The following ANKRD10 variants were observed in gnomAD, a reference collection of about 807,000 sequenced individuals.
ANKRD10 encodes ankyrin repeat domain 10.
ANKRD10 carries 14 observed loss-of-function variants against 27.0 expected under a neutral mutation model. The observed-to-expected ratio is 0.52, with a 90% CI of 0.34 to 0.81. The LOEUF (loss-of-function observed/expected upper bound fraction) is 0.81, where lower values mean the gene tolerates loss of function less well. ANKRD10 is among the 40% of genes least tolerant of loss of function. The pLI, the probability that ANKRD10 is intolerant of heterozygous loss-of-function variation, is 0.01. For missense variants in ANKRD10, 493 were observed against 544.0 expected, an observed-to-expected ratio of 0.91 and a Z score of 0.93; for synonymous variants, 250 against 224.5, an observed-to-expected ratio of 1.11 and a Z score of -1.01.
intron 3 of ANKRD10, among the ~76,000 whole-genome samples, chr13:110,905,590 C>T (rs1219208531): frequency 2.6e-5 from 4 of 152,154 alleles, no homozygotes; most frequent in Non-Finnish European, 5.9e-5. Context: ...AAATCAAAAC[C>T]TAGAAAAGTG....
intron 3 of ANKRD10, 146 bp downstream of exon 3, chr13:110,905,883 CCTCA>C (rs1264561805): frequency 8.1e-6 from 5 of 616,620 alleles, no homozygotes; most frequent in East Asian, 2.9e-5. Context: ...ACACAATTTT[CCTCA>C]CTAACACCAA....
At chr13:110,902,188 G>C (rs901544268) in intron 3 of ANKRD10, among the ~76,000 whole-genome samples, 1 of 151,882 alleles carries the variant, frequency 6.6e-6, no homozygotes, top group African/African-American at 2.4e-5. Flanking sequence ...ATTCTGATGG[G>C]CAAAAAAATG....
intron 1 of ANKRD10, chr13:110,914,451 G>C (rs1327883420): frequency 3.4e-6 from 1 of 292,750 alleles, no homozygotes; most frequent in Non-Finnish European, 6.1e-6. Flanking sequence ...TTAGAAACTT[G>C]CTACGCGCGC....
rs573493141 is a variant in ANKRD10 at position 110,897,542 on chromosome 13, T to G, written c.456-4279A>C. Among the ~76,000 whole-genome samples, 13 of 152,282 alleles carry G rather than the reference T, an allele frequency of 8.5e-5. 1 individual carries two copies. The South Asian group carries it at 2.5e-3, about 29-fold the overall frequency. On this transcript the variant is annotated intron_variant, in intron 3 of 5. Coordinates refer to ENST00000267339, the MANE Select transcript of ANKRD10 (RefSeq NM_017664.4). Reference sequence around the variant, plus strand: ...ACATGTTGCTGAGAATAACAGAATTTTGTTTTTTTAATGGCCAAATAGTAT... The same window carrying G: ...ACATGTTGCTGAGAATAACAGAATTGTGTTTTTTTAATGGCCAAATAGTAT...
At chr13:110,891,871 CTTTTT>C (rs10553815) in intron 4 of ANKRD10, among the ~76,000 whole-genome samples, 9 of 121,202 alleles carry the variant, frequency 7.4e-5, no homozygotes, top group South Asian at 2.8e-4. Flanking sequence ...CTTATTAAGA[CTTTTT>C]TTTTTTTTTT....
chr13:110,890,617 A>G lies in ANKRD10; in HGVS notation c.691+2411T>C, dbSNP rs545438735. Among the ~76,000 whole-genome samples, 3 of 152,332 alleles carry G rather than the reference A, an allele frequency of 2.0e-5. No homozygotes were observed. The South Asian group carries it at 6.2e-4, about 32-fold the overall frequency. ...TGAAGTAATGTGCATCTTGGCTGAAATATTTCAACTGTGATAATCACAGAA... is the reference window on the plus strand; with the variant it reads ...TGAAGTAATGTGCATCTTGGCTGAAGTATTTCAACTGTGATAATCACAGAA... On this transcript the variant is annotated intron_variant, in intron 4 of 5. Coordinates refer to ENST00000267339, the MANE Select transcript of ANKRD10 (RefSeq NM_017664.4).
chr13:110,913,346 C>T (rs1029722802), intron 1 of ANKRD10, among the ~76,000 whole-genome samples: 40 of 152,314 alleles, frequency 2.6e-4, no homozygotes, highest in Non-Finnish European at 4.9e-4. Context: ...TAAGGCTGCA[C>T]GCAGAAGCGC....
Sources: allele counts gnomAD v4.1 joint callset (sites outside exome capture counted in the v4.1 genomes callset), GRCh38; gene constraint gnomAD v4.1.1; transcripts MANE v1.5; gene names NCBI Gene and HGNC (gene_info 2026-07-23, HGNC 2026-07-21).